MYRIP: variants seen among roughly 807,000 people sequenced by gnomAD.
The protein encoded by MYRIP is myosin VIIA and Rab interacting protein.
In MYRIP, 49 loss-of-function variants were observed where a neutral mutation model predicts 98.0. That is an observed-to-expected ratio of 0.50 (90% CI 0.40 to 0.63). The LOEUF (loss-of-function observed/expected upper bound fraction) is 0.63, where lower values mean the gene tolerates loss of function less well. Among genes scored for constraint, MYRIP ranks in the 30% least tolerant of loss-of-function variants. The pLI is 0.00. For missense variants in MYRIP, 1,004 were observed against 1,058.2 expected, an observed-to-expected ratio of 0.95 and a Z score of 0.71; for synonymous variants, 404 against 409.5, an observed-to-expected ratio of 0.99 and a Z score of 0.16.
chr3:39,884,816 T>TC (rs1489704976), intron 1 of MYRIP, among the ~76,000 whole-genome samples: 4 of 151,218 alleles, frequency 2.6e-5, no homozygotes, highest in Non-Finnish European at 3.0e-5. Flanking sequence ...ATTATTTTTT[T>TC]TTTTTGCATG....
Position 40,094,451 on chromosome 3 carries a change from T to G in MYRIP, c.332+50180T>G, listed in dbSNP as rs1270070610. Among the ~76,000 whole-genome samples the G allele has an allele frequency of 2.6e-5, 4 of 152,352 alleles. No individual in the cohort carries two copies. The East Asian group carries it at 7.7e-4, about 29-fold the overall frequency. On this transcript the variant is annotated intron_variant, in intron 3 of 16. Coordinates refer to ENST00000302541, the MANE Select transcript of MYRIP (RefSeq NM_015460.4). ...TTGCCTTTGGCCTTCCATCTTGGCTTCTGGAGTAATGCTGTCCACCTCCCC... is the reference window on the plus strand; with the variant it reads ...TTGCCTTTGGCCTTCCATCTTGGCTGCTGGAGTAATGCTGTCCACCTCCCC...
rs577304024 is a variant in MYRIP, at chr3:39,957,463, C to T, written c.110+56537C>T. 1.4e-4 allele frequency among the ~76,000 whole-genome samples: 22 copies of T among 152,058 alleles called. No homozygotes were observed. In the South Asian group the frequency reaches 2.3e-3, roughly 16 times the overall value. ...TCTCAATACATGCAGAAAAGGCCTT[C>T]GAAAAAATTCAACAGCCCTTCATGC... is the stretch of plus-strand genomic sequence containing the variant. On this transcript the variant is annotated intron_variant, in intron 2 of 16. Transcript: ENST00000302541.
intron 3 of MYRIP, among the ~76,000 whole-genome samples, chr3:40,122,655 C>G (rs1249438904): frequency 6.6e-6 from 1 of 151,692 alleles, no homozygotes; most frequent in Non-Finnish European, 1.5e-5. Flanking sequence ...GGGACTAAAA[C>G]TGGTCTATAA....
chr3:40,019,643 G>T (rs1946946894), intron 2 of MYRIP, among the ~76,000 whole-genome samples: 1 of 152,108 alleles, frequency 6.6e-6, no homozygotes, highest in African/African-American at 2.4e-5. Flanking sequence ...TAAAATAGGA[G>T]CTTAAAGTCT....
At chr3:40,128,750 CAGT>C (rs1172748202) in intron 3 of MYRIP, among the ~76,000 whole-genome samples, 2 of 152,178 alleles carry the variant, frequency 1.3e-5, no homozygotes, top group African/African-American at 4.8e-5. Context: ...CACATTCTTA[CAGT>C]TTTCAGGAGG....
intron 2 of MYRIP, among the ~76,000 whole-genome samples, chr3:40,011,206 A>C (rs1028941508): frequency 6.6e-6 from 1 of 152,144 alleles, no homozygotes; most frequent in Non-Finnish European, 1.5e-5. Flanking sequence ...CCTATGCCCC[A>C]CACATCACAG....
intron 2 of MYRIP, among the ~76,000 whole-genome samples, chr3:39,957,140 A>G (rs986837309): frequency 1.3e-5 from 2 of 151,872 alleles, no homozygotes; most frequent in Non-Finnish European, 2.9e-5. Context: ...AACTATTCCA[A>G]TCAATAGAAA....
chr3:40,189,239 C>A (rs774981249), intron 9 of MYRIP, among the ~76,000 whole-genome samples: 32 of 152,220 alleles, frequency 2.1e-4, no homozygotes, highest in Non-Finnish European at 4.1e-4. Context: ...ATTGGAAATA[C>A]CAAAGTTTTT....
At chr3:40,161,169 A>G (rs1200623756) in intron 4 of MYRIP, among the ~76,000 whole-genome samples, 1 of 152,222 alleles carries the variant, frequency 6.6e-6, no homozygotes, top group Non-Finnish European at 1.5e-5. Context: ...TAGTGGCTTC[A>G]TGTCATCTAG....
At position 40,190,296 on chromosome 3, in the gene MYRIP, C is replaced by T; in HGVS notation, c.1498C>T (p.Pro500Ser). The stretch of plus-strand genomic sequence containing the variant: ...TGGAGAGCTGGACGTGAACTTCAAC[C>T]CCCAGTTGGCCAGCAGGGAGACCTC... ...LHGELDVNFN[P>S]QLASRETSDS... The change falls in exon 10 of 17, where the codon CCC becomes TCC. Residue 500 changes from proline (P) to serine (S), a missense_variant. Physicochemically the swap from Pro to Ser is moderately conservative, Grantham distance 74 (BLOSUM62 -1). Transcript: ENST00000302541. 3.7e-6 allele frequency: 6 copies of T among 1,614,034 alleles called. No individual in the cohort carries two copies. The highest frequency in any genetic ancestry group is 5.1e-6 in the Non-Finnish European group (6 of 1,180,020).
chr3:39,890,487 T>C (rs1249124278), intron 1 of MYRIP, among the ~76,000 whole-genome samples: 1 of 152,120 alleles, frequency 6.6e-6, no homozygotes, highest in Non-Finnish European at 1.5e-5. Context: ...CCTGTTGTTT[T>C]ACTTTTGTGC....
At chr3:39,955,008 A>G (rs1945119666) in intron 2 of MYRIP, among the ~76,000 whole-genome samples, 1 of 152,216 alleles carries the variant, frequency 6.6e-6, no homozygotes, top group South Asian at 2.1e-4. Context: ...AAAGCCTCCA[A>G]GAAATGTGGG....
intron 7 of MYRIP, among the ~76,000 whole-genome samples, chr3:40,169,635 A>G (rs944744599): frequency 2.0e-5 from 3 of 152,224 alleles, no homozygotes; most frequent in Non-Finnish European, 4.4e-5. Flanking sequence ...AAGAATTAGA[A>G]TATGTACCTT....
At chr3:39,851,005 CTG>C (rs1339011709) in intron 1 of MYRIP, among the ~76,000 whole-genome samples, 1 of 152,166 alleles carries the variant, frequency 6.6e-6, no homozygotes, top group Non-Finnish European at 1.5e-5. Flanking sequence ...GAGACTTACA[CTG>C]TGTCCAGACA....
At position 39,899,420 on chromosome 3, in the gene MYRIP, T is replaced by C. The variant is rs139352859; in HGVS notation, c.-30-1367T>C. The stretch of plus-strand genomic sequence containing the variant: ...GTTTTTCCAGTCTTATTTATTTATT[T>C]ATTTATTTTTTGCTATTTTGAATGT... On this transcript the variant is annotated intron_variant, in intron 1 of 16. Coordinates refer to ENST00000302541, the MANE Select transcript of MYRIP (RefSeq NM_015460.4). Among the ~76,000 whole-genome samples the C allele has an allele frequency of 3.3e-5, 5 of 152,300 alleles. No homozygotes were observed. The East Asian group carries it at 7.7e-4, about 23-fold the overall frequency.
At chr3:39,918,139 C>G (rs139000926) in intron 2 of MYRIP, among the ~76,000 whole-genome samples, 9,275 of 152,112 alleles carry the variant, frequency 0.061, 749 homozygotes, top group African/African-American at 0.18. Flanking sequence ...TGGTCTCGAT[C>G]TCCTGACCTC....
intron 11 of MYRIP, among the ~76,000 whole-genome samples, chr3:40,230,723 A>C (rs780108706): frequency 3.2e-4 from 49 of 152,318 alleles, no homozygotes; most frequent in South Asian, 6.2e-4. Context: ...ATTGCTGTGG[A>C]TTCCAGTTTG....
chr3:40,032,369 G>A (rs903138217), intron 2 of MYRIP, among the ~76,000 whole-genome samples: 6 of 152,112 alleles, frequency 3.9e-5, no homozygotes, highest in Non-Finnish European at 7.4e-5. Flanking sequence ...GTTCTAGTTT[G>A]ATTGCACTGT....
intron 3 of MYRIP, among the ~76,000 whole-genome samples, chr3:40,149,307 C>A (rs941161228): frequency 2.0e-5 from 3 of 152,150 alleles, no homozygotes; most frequent in African/African-American, 7.2e-5. Flanking sequence ...CTTGAGTGAA[C>A]TAATAGAGTG....
Sources: gnomAD v4.1 joint callset for allele counts (sites outside exome capture counted in the v4.1 genomes callset) on GRCh38, gnomAD v4.1.1 for gene constraint, MANE v1.5 for transcripts, NCBI Gene and HGNC (gene_info 2026-07-23, HGNC 2026-07-21) for gene names.